The following ESRRG variants were observed in gnomAD, a reference collection of about 807,000 sequenced individuals.
ESRRG encodes estrogen related receptor gamma.
Under a neutral mutation model 44.0 loss-of-function variants are expected in ESRRG, and 13 were observed. That is an observed-to-expected ratio of 0.30 (90% CI 0.19 to 0.47). The LOEUF is 0.47. Ranked by LOEUF, ESRRG falls within the 20% of genes least tolerant of loss-of-function variation. ESRRG has a pLI of 1.00. For missense variants in ESRRG, 395 were observed against 580.6 expected (o/e 0.68, Z 3.29); for synonymous variants, 215 against 214.6 (o/e 1.00, Z -0.02).
chr1:216,587,199 G>A (rs538379442), intron 3 of ESRRG, among the ~76,000 whole-genome samples: 1 of 152,200 alleles, frequency 6.6e-6, no homozygotes, highest in Non-Finnish European at 1.5e-5. Flanking sequence ...AATCCGTAAT[G>A]TTGCTTCAAA....
intron 3 of ESRRG, among the ~76,000 whole-genome samples, chr1:216,604,296 A>G (rs112026262): frequency 4.6e-5 from 7 of 152,334 alleles, no homozygotes; most frequent in African/African-American, 7.2e-5. Context: ...AGCTCAGTGA[A>G]GAGGGCCTGT....
At chr1:217,078,625 G>A (rs1006139560) in intron 1 of ESRRG, among the ~76,000 whole-genome samples, 1 of 152,230 alleles carries the variant, frequency 6.6e-6, no homozygotes, top group Non-Finnish European at 1.5e-5. Flanking sequence ...TGACAACAGT[G>A]TAAGGTATTC....
intron 1 of ESRRG, among the ~76,000 whole-genome samples, chr1:217,024,933 C>T (rs531681399): frequency 6.6e-6 from 1 of 152,252 alleles, no homozygotes; most frequent in South Asian, 2.1e-4. Flanking sequence ...AACATCCTTC[C>T]ACTTACATAG....
At chr1:217,091,168 T>G (rs2092338590), upstream of ESRRG, among the ~76,000 whole-genome samples, 1 of 152,198 alleles carries the variant, frequency 6.6e-6, no homozygotes, top group Non-Finnish European at 1.5e-5. Flanking sequence ...GTAACAACAT[T>G]TGTTTAGGAA....
intron 3 of ESRRG, among the ~76,000 whole-genome samples, chr1:216,633,128 G>A (rs1036260120): frequency 6.6e-6 from 1 of 152,154 alleles, no homozygotes; most frequent in Non-Finnish European, 1.5e-5. Flanking sequence ...TGCTGGGATG[G>A]CATTAAAATG....
intron 2 of ESRRG, among the ~76,000 whole-genome samples, chr1:216,839,796 T>A (rs1358881843): frequency 1.3e-5 from 2 of 152,160 alleles, no homozygotes; most frequent in Non-Finnish European, 2.9e-5. Context: ...GCATTGTCAA[T>A]GAGCAGTAAT....
chr1:216,929,254 C>T (rs2062998236), intron 2 of ESRRG, among the ~76,000 whole-genome samples: 1 of 152,120 alleles, frequency 6.6e-6, no homozygotes, highest in Non-Finnish European at 1.5e-5. Flanking sequence ...CAAATTTCTT[C>T]CTTCCTTGCT....
chr1:216,991,850 G>C (rs557083667), intron 1 of ESRRG, among the ~76,000 whole-genome samples: 3 of 152,118 alleles, frequency 2.0e-5, no homozygotes, highest in Non-Finnish European at 4.4e-5. Context: ...TCCCTAGAAA[G>C]AAATTTCCAG....
intron 3 of ESRRG, among the ~76,000 whole-genome samples, chr1:216,578,344 C>A (rs1017016914): frequency 1.3e-5 from 2 of 152,026 alleles, no homozygotes; most frequent in Non-Finnish European, 2.9e-5. Flanking sequence ...TAGGAATGCT[C>A]TGTGTAAAAG....
chr1:216,905,527 C>T (rs555998923), intron 2 of ESRRG, among the ~76,000 whole-genome samples: 25 of 152,112 alleles, frequency 1.6e-4, no homozygotes, highest in African/African-American at 6.0e-4. Flanking sequence ...CCTACCACCA[C>T]CCTCTAGAAT....
chr1:216,723,635 T>A (rs2086874159), upstream of ESRRG, among the ~76,000 whole-genome samples: 2 of 151,906 alleles, frequency 1.3e-5, no homozygotes, highest in Admixed American at 1.3e-4. Flanking sequence ...GGCTGGAAAC[T>A]GAGAGTGGGC....
intron 2 of ESRRG, among the ~76,000 whole-genome samples, chr1:216,837,702 C>T (rs576590066): frequency 5.3e-5 from 8 of 152,236 alleles, no homozygotes; most frequent in East Asian, 1.9e-4. Context: ...TCCTGAGCCA[C>T]GAACCTTGAC....
At chr1:217,083,536 T>C (rs1024162362) in intron 1 of ESRRG, among the ~76,000 whole-genome samples, 1 of 152,212 alleles carries the variant, frequency 6.6e-6, no homozygotes. Flanking sequence ...GGTTCACTAC[T>C]GCCCTCTGAT....
intron 3 of ESRRG, among the ~76,000 whole-genome samples, chr1:216,612,101 G>A (rs1019801965): frequency 5.3e-5 from 8 of 152,102 alleles, no homozygotes; most frequent in Admixed American, 2.0e-4. Flanking sequence ...AAGATATATA[G>A]ACTAGTGGAG....
intron 2 of ESRRG, among the ~76,000 whole-genome samples, chr1:216,733,744 A>G (rs2089317477): frequency 6.6e-6 from 1 of 151,982 alleles, no homozygotes; most frequent in Admixed American, 6.5e-5. Flanking sequence ...TAATCCCAGC[A>G]CTCTGGGAGC....
chr1:217,023,548 G>A (rs745866856), intron 1 of ESRRG, among the ~76,000 whole-genome samples: 7 of 152,266 alleles, frequency 4.6e-5, no homozygotes, highest in Non-Finnish European at 8.8e-5. Flanking sequence ...GAATTACTTG[G>A]AAGGAGGGCA....
intron 2 of ESRRG, among the ~76,000 whole-genome samples, chr1:216,934,492 C>T (rs1226842502): frequency 6.6e-6 from 1 of 151,964 alleles, no homozygotes; most frequent in African/African-American, 2.4e-5. Context: ...TTAATGGACT[C>T]ACAGTTCCAT....
At chr1:216,528,730 C>G (rs2048407984) in intron 5 of ESRRG, among the ~76,000 whole-genome samples, 1 of 152,044 alleles carries the variant, frequency 6.6e-6, no homozygotes, top group African/African-American at 2.4e-5. Flanking sequence ...AAAAAACTTG[C>G]AAGAAGATTG....
intron 3 of ESRRG, among the ~76,000 whole-genome samples, chr1:216,618,837 T>C (rs1457499440): frequency 6.6e-6 from 1 of 152,200 alleles, no homozygotes; most frequent in African/African-American, 2.4e-5. Context: ...CAAAGAGAGA[T>C]ATATGTAGGC....
Sources: allele counts gnomAD v4.1 joint callset (sites outside exome capture counted in the v4.1 genomes callset), GRCh38; gene constraint gnomAD v4.1.1; transcripts MANE v1.5; gene names NCBI Gene and HGNC (gene_info 2026-07-23, HGNC 2026-07-21).